The following COL4A4 variants were observed in gnomAD, a reference collection of about 807,000 sequenced individuals.
COL4A4 encodes the protein collagen alpha-4(IV) chain.
In COL4A4, 105 loss-of-function variants were observed where a neutral mutation model predicts 192.9. The ratio of observed to expected loss-of-function variants is 0.54; its 90% CI spans 0.46 to 0.64. The LOEUF (loss-of-function observed/expected upper bound fraction) is 0.64. Among genes scored for constraint, COL4A4 ranks in the 30% least tolerant of loss-of-function variants. The pLI, the probability that COL4A4 is intolerant of heterozygous loss-of-function variation, is 0.00. For synonymous variants in COL4A4, 762 were observed against 769.9 expected, an observed-to-expected ratio of 0.99 and a Z score of 0.17; for missense variants, 1,967 against 2,169.3, an observed-to-expected ratio of 0.91 and a Z score of 1.85.
intron 25 of COL4A4, among the ~76,000 whole-genome samples, chr2:227,065,549 C>A (rs1359149933): frequency 6.6e-6 from 1 of 152,202 alleles, no homozygotes; most frequent in Non-Finnish European, 1.5e-5. Flanking sequence ...GGCAGACTGC[C>A]TCCTCAAGTG....
At chr2:226,998,382 C>T (rs985812101), downstream of COL4A4, 1 of 152,212 alleles carries the variant, frequency 6.6e-6, no homozygotes, top group Non-Finnish European at 1.5e-5. Context: ...GACCACCTCC[C>T]CCTACCCTGG....
chr2:227,100,836 A>G (rs548379595), intron 17 of COL4A4, among the ~76,000 whole-genome samples: 4 of 146,828 alleles, frequency 2.7e-5, no homozygotes, highest in Non-Finnish European at 6.0e-5. Flanking sequence ...ATGGAGTCTC[A>G]CTCTGTTGCC....
At chr2:227,117,009 T>C (rs1197650240) in intron 7 of COL4A4, among the ~76,000 whole-genome samples, 2 of 152,234 alleles carry the variant, frequency 1.3e-5, no homozygotes, top group Admixed American at 6.5e-5. Flanking sequence ...TAAAGAAATA[T>C]TTAGTTTTTT....
chr2:226,977,231 G>A, the COL4A4 span, among the ~76,000 whole-genome samples: 3 of 152,142 alleles, frequency 2.0e-5, no homozygotes, highest in South Asian at 6.2e-4. Flanking sequence ...TCTCCCCTTC[G>A]GCAAGCTCCC....
At chr2:226,993,672 C>G in the COL4A4 span, among the ~76,000 whole-genome samples, 1 of 152,110 alleles carries the variant, frequency 6.6e-6, no homozygotes, top group Non-Finnish European at 1.5e-5. Context: ...CTCCCATGCT[C>G]TCAACAGGAA....
At chr2:227,053,023 A>G (rs1464638522) in intron 31 of COL4A4, among the ~76,000 whole-genome samples, 2 of 152,022 alleles carry the variant, frequency 1.3e-5, no homozygotes, top group African/African-American at 4.8e-5. Flanking sequence ...TGCTAACTTT[A>G]AATCAGCCGT....
intron 37 of COL4A4, among the ~76,000 whole-genome samples, chr2:227,033,929 C>T (rs1968967108): frequency 6.6e-6 from 1 of 152,184 alleles, no homozygotes; most frequent in South Asian, 2.1e-4. Flanking sequence ...AGGATCTACT[C>T]ATGGAGATGC....
upstream of COL4A4, chr2:227,164,308 A>C: frequency 2.5e-5 from 6 of 235,678 alleles, no homozygotes; most frequent in South Asian, 5.5e-5. The surrounding 1 kb of genome is among the most constrained non-coding windows in gnomAD (Gnocchi z 4.8). Flanking sequence ...TCCCCACCGC[A>C]CACCCCCAAA....
the COL4A4 span, among the ~76,000 whole-genome samples, chr2:226,975,232 C>T: frequency 1.3e-5 from 2 of 152,068 alleles, no homozygotes; most frequent in African/African-American, 2.4e-5. Context: ...AAGGTGGAAT[C>T]GATGCCCCTG....
Position 227,143,542 on chromosome 2 carries a change from T to A in COL4A4, c.114+974A>T, listed in dbSNP as rs138404453. Among the ~76,000 whole-genome samples the A allele has an allele frequency of 1.3e-3, 192 of 152,244 alleles. 1 individual carries two copies. The highest frequency in any genetic ancestry group is 4.5e-3 in the African/African-American group (185 of 41,532). ...TGGTAGAAGTCCTGGGATAGAAAAA[T>A]CTTTGATTCAGAAATTATGTTTACT... is the stretch of plus-strand genomic sequence containing the variant. On this transcript the variant is annotated intron_variant, in intron 3 of 47. Transcript: ENST00000396625.
the COL4A4 span, among the ~76,000 whole-genome samples, chr2:226,991,183 T>C: frequency 5.3e-5 from 8 of 152,184 alleles, no homozygotes; most frequent in African/African-American, 1.4e-4. Context: ...TTTTGTCATT[T>C]TATATATCTC....
chr2:227,063,471 G>C (rs1977657447), intron 25 of COL4A4, among the ~76,000 whole-genome samples: 1 of 151,938 alleles, frequency 6.6e-6, no homozygotes, highest in Non-Finnish European at 1.5e-5. Flanking sequence ...CAAGATACTT[G>C]CTTGCCTTTC....
At chr2:227,068,168 G>A (rs2058469539) in intron 25 of COL4A4, among the ~76,000 whole-genome samples, 1 of 149,936 alleles carries the variant, frequency 6.7e-6, no homozygotes, top group Non-Finnish European at 1.5e-5. Context: ...ACTAAACCAG[G>A]AAGAAGTTGA....
intron 25 of COL4A4, among the ~76,000 whole-genome samples, chr2:227,065,956 C>T (rs2058311560): frequency 6.6e-6 from 1 of 152,112 alleles, no homozygotes; most frequent in Non-Finnish European, 1.5e-5. Context: ...AAACCAAAGG[C>T]AAAGAAGTTG....
chr2:227,095,287 T>A (rs572211229), intron 19 of COL4A4, among the ~76,000 whole-genome samples: 1 of 152,336 alleles, frequency 6.6e-6, no homozygotes, highest in African/African-American at 2.4e-5. Flanking sequence ...TAAAATATTG[T>A]ACCTATCACA....
chr2:227,076,414 T>A (rs1328923360), intron 25 of COL4A4, among the ~76,000 whole-genome samples: 1 of 152,142 alleles, frequency 6.6e-6, no homozygotes, highest in African/African-American at 2.4e-5. Context: ...TAATTAATGG[T>A]GTTGGGAAAA....
chr2:226,995,893 G>A, the COL4A4 span: 1 of 197,412 alleles, frequency 5.1e-6, no homozygotes, highest in Admixed American at 5.9e-5. Context: ...CCCTCATTCT[G>A]CCTGGAGTGC....
rs1559487813 is a variant in COL4A4, at chr2:227,045,837, C to CACAT, written c.3289+1637_3289+1638insATGT. ...ATATACACATATATATATATACACA[C>CACAT]ATATATATATACACATATATATATA... On this transcript the variant is annotated intron_variant, in intron 35 of 47. Transcript: ENST00000396625. Among the ~76,000 whole-genome samples the CACAT allele has an allele frequency of 4.9e-3, 202 of 41,154 alleles. 41 individuals carry two copies. The highest frequency in any genetic ancestry group is 0.019 in the African/African-American group (167 of 8,808). 27.0% of individuals were successfully genotyped at this position (41,154 alleles called of 152,430 possible).
chr2:227,158,401 T>G (rs1030950632), intron 1 of COL4A4, among the ~76,000 whole-genome samples: 1 of 152,054 alleles, frequency 6.6e-6, no homozygotes, highest in Non-Finnish European at 1.5e-5. Flanking sequence ...AGGAGAAAAT[T>G]TCTGCAATTT....
Sources: gnomAD v4.1 joint callset for allele counts (sites outside exome capture counted in the v4.1 genomes callset) on GRCh38, gnomAD v4.1.1 for gene constraint, Gnocchi (gnomAD v3.1) non-coding constraint, MANE v1.5 for transcripts, NCBI Gene and HGNC (gene_info 2026-07-23, HGNC 2026-07-21) for gene names.